Variants in CATSPERD observed in about 807,000 individuals in gnomAD.
CATSPERD encodes cation channel sperm-associated auxiliary subunit delta.
Under a neutral mutation model 98.1 loss-of-function variants are expected in CATSPERD, and 86 were observed. The ratio of observed to expected loss-of-function variants is 0.88; its 90% CI spans 0.74 to 1.05. The LOEUF (loss-of-function observed/expected upper bound fraction) is 1.05, where lower values mean the gene tolerates loss of function less well. Ranked by LOEUF, CATSPERD falls within the 50% of genes least tolerant of loss-of-function variation. CATSPERD has a pLI of 0.00. For missense variants in CATSPERD, 995 were observed against 1,005.7 expected, an observed-to-expected ratio of 0.99 and a Z score of 0.14; for synonymous variants, 394 against 390.2, an observed-to-expected ratio of 1.01 and a Z score of -0.12.
intron 12 of CATSPERD, among the ~76,000 whole-genome samples, chr19:5,752,722 CA>C (rs1374247743): frequency 2.6e-5 from 4 of 151,996 alleles, no homozygotes; most frequent in African/African-American, 4.8e-5. Context: ...TGGGGACTTC[CA>C]AAATCCATGG....
intron 9 of CATSPERD, 137 bp downstream of exon 9, chr19:5,746,200 AC>A: frequency 1.1e-6 from 1 of 901,496 alleles, no homozygotes; most frequent in Non-Finnish European, 1.7e-6. Context: ...TTCAGAGTGG[AC>A]CACAAGCCCA....
At chr19:5,733,174 A>G (rs949732329) in intron 4 of CATSPERD, among the ~76,000 whole-genome samples, 3 of 151,410 alleles carry the variant, frequency 2.0e-5, no homozygotes, top group African/African-American at 7.3e-5. Flanking sequence ...TTGTATTTTT[A>G]ATAGAGGCAG....
intron 12 of CATSPERD, among the ~76,000 whole-genome samples, chr19:5,753,879 A>AG (rs1336163723): frequency 1.3e-5 from 2 of 152,034 alleles, no homozygotes; most frequent in African/African-American, 4.8e-5. Context: ...TCTCAAAAAA[A>AG]AAAGAAAGGA....
At chr19:5,748,358 C>A in intron 10 of CATSPERD, 103 bp downstream of exon 10, 2 of 1,081,830 alleles carry the variant, frequency 1.8e-6, no homozygotes. Flanking sequence ...CAGCTGGGCG[C>A]GGTGGCTCAT....
chr19:5,773,071 A>C, intron 20 of CATSPERD, 106 bp downstream of exon 20: 1 of 1,197,766 alleles, frequency 8.3e-7, no homozygotes. Context: ...GGAATGAAAG[A>C]GTTGGGGCGC....
In CATSPERD at chr19:5,729,135, G is replaced by A. The variant is rs796942232; in HGVS notation, c.204-737G>A. ...TTTGAGACAATGTTTCACTCTTGTC[G>A]CCCAGGCTGGCGTGCAGTGGCATGA... is the stretch of plus-strand genomic sequence containing the variant. On this transcript the variant is annotated intron_variant, in intron 3 of 21. Transcript: ENST00000381624. Among the ~76,000 whole-genome samples, 16 of 150,504 alleles carry A rather than the reference G, an allele frequency of 1.1e-4. 1 individual carries two copies. Among genetic ancestry groups the A allele is most frequent in the African/African-American group, 2.4e-4 (10 of 40,934 alleles).
In CATSPERD at chr19:5,774,782, C is replaced by T. The variant is rs1034071706; in HGVS notation, c.1942-1379C>T. ...CTGTAATCCCAGCACTTTGGGAGGC[C>T]GAGGTGGATGGATCACTTGAGGTCA... On this transcript the variant is annotated intron_variant, in intron 20 of 21. Transcript: ENST00000381624. 5.3e-5 allele frequency among the ~76,000 whole-genome samples: 8 copies of T among 151,628 alleles called. No individual in the cohort carries two copies. The South Asian group carries it at 8.4e-4, about 16-fold the overall frequency.
At chr19:5,768,386 G>C (rs1393681867) in intron 18 of CATSPERD, 144 bp downstream of exon 18, 2 of 380,700 alleles carry the variant, frequency 5.3e-6, no homozygotes, top group Middle Eastern at 1.0e-3. Context: ...GCCCAGGCTG[G>C]AGTGCAGTGG....
intron 2 of CATSPERD, 148 bp downstream of exon 2, chr19:5,725,010 A>T (rs2055577254): frequency 1.3e-6 from 1 of 753,386 alleles, no homozygotes. Context: ...TCCCCTTTGA[A>T]ATAGGGATTA....
intron 15 of CATSPERD, among the ~76,000 whole-genome samples, chr19:5,761,293 G>A (rs373512178): frequency 2.0e-5 from 3 of 152,176 alleles, no homozygotes; most frequent in East Asian, 3.9e-4. Context: ...CTAGAGACGG[G>A]GTTTCACCAT....
At chr19:5,757,358 C>T (rs963567414) in intron 13 of CATSPERD, among the ~76,000 whole-genome samples, 5 of 146,684 alleles carry the variant, frequency 3.4e-5, no homozygotes, top group Admixed American at 2.1e-4. Context: ...AGTACAATGG[C>T]GTGATCTCAG....
chr19:5,773,245 A>G (rs2056683788), intron 20 of CATSPERD, among the ~76,000 whole-genome samples: 1 of 152,144 alleles, frequency 6.6e-6, no homozygotes, highest in Non-Finnish European at 1.5e-5. Flanking sequence ...CCAGCTACTC[A>G]GGAGAATCAC....
rs145042630 is a variant in CATSPERD, at chr19:5,770,459, G to A, written c.1635-485G>A. Among the ~76,000 whole-genome samples, 5 of 149,306 alleles carry A rather than the reference G, an allele frequency of 3.3e-5. No homozygotes were observed. In the East Asian group the frequency reaches 5.9e-4, roughly 18 times the overall value. ...AAAAAAAAAAAAAGGCAAAAACCTC[G>A]ATTACTTTTGCACTGATCTAATTTA... On this transcript the variant is annotated intron_variant, in intron 18 of 21. Transcript: ENST00000381624.
Position 5,778,227 on chromosome 19 carries a change from C to T in CATSPERD, c.2097-149C>T, listed in dbSNP as rs1389569340. 1.6e-5 allele frequency: 9 copies of T among 550,986 alleles called. No homozygotes were observed. In the East Asian group the frequency reaches 2.3e-4, roughly 14 times the overall value. The allele number at this position is 550,986 out of a possible 1,614,324, so 34.1% of individuals were successfully genotyped here. A position where few individuals can be genotyped will look rare whatever the true frequency, so the allele number is the denominator to read the frequency against. ...CGACTCAAAAAAAAAAAAAAAAAGG[C>T]ATAGTGGATGGAAACAGAAGTGGGT... On this transcript the variant is annotated intron_variant, in intron 21 of 21. Transcript: ENST00000381624.
chr19:5,768,539 T>C (rs1346967893), intron 18 of CATSPERD, among the ~76,000 whole-genome samples: 1 of 151,934 alleles, frequency 6.6e-6, no homozygotes, highest in Non-Finnish European at 1.5e-5. Flanking sequence ...GGTTTCACTG[T>C]GTTAGCCAGG....
chr19:5,762,058 A>ATATATATATTTTT, intron 15 of CATSPERD, among the ~76,000 whole-genome samples: 118 of 10,424 alleles, frequency 0.011, 4 homozygotes, highest in East Asian at 0.023. Flanking sequence ...ATATATATAT[A>ATATATATATTTTT]TTTTTTTTTT....
chr19:5,763,607 T>C (rs1307972623), intron 16 of CATSPERD, among the ~76,000 whole-genome samples: 2 of 151,946 alleles, frequency 1.3e-5, no homozygotes, highest in African/African-American at 2.4e-5. Flanking sequence ...ATCAGATTCA[T>C]AGGGACAGAA....
intron 12 of CATSPERD, among the ~76,000 whole-genome samples, chr19:5,752,041 TGG>T (rs2056231895): frequency 6.6e-6 from 1 of 151,686 alleles, no homozygotes; most frequent in Admixed American, 6.6e-5. Flanking sequence ...CCAGGTACGG[TGG>T]GAGACTTTGG....
intron 1 of CATSPERD, among the ~76,000 whole-genome samples, chr19:5,724,296 C>G (rs1367285060): frequency 6.6e-6 from 1 of 151,764 alleles, no homozygotes; most frequent in Non-Finnish European, 1.5e-5. Flanking sequence ...CTGCTGACCT[C>G]AAGTGATCCA....
Sources: gnomAD v4.1 joint callset for allele counts (sites outside exome capture counted in the v4.1 genomes callset) on GRCh38, gnomAD v4.1.1 for gene constraint, MANE v1.5 for transcripts, NCBI Gene and HGNC (gene_info 2026-07-23, HGNC 2026-07-21) for gene names.